The following CREB5 variants were observed in gnomAD, a reference collection of about 807,000 sequenced individuals.
CREB5 encodes cyclic AMP-responsive element-binding protein 5.
In CREB5, 19 loss-of-function variants were observed where a neutral mutation model predicts 57.1. The ratio of observed to expected loss-of-function variants is 0.33; its 90% CI spans 0.23 to 0.49. The LOEUF (loss-of-function observed/expected upper bound fraction) is 0.49, where lower values mean the gene tolerates loss of function less well. Ranked by LOEUF, CREB5 falls within the 20% of genes least tolerant of loss-of-function variation. The probability of loss-of-function intolerance (pLI) is 0.99; values close to 1 mark genes in which losing one functional copy is unlikely to be tolerated. For synonymous variants in CREB5, 238 were observed against 238.3 expected (o/e 1.00, Z 0.01); for missense variants, 579 against 671.6 (o/e 0.86, Z 1.52).
chr7:28,527,298 C>T (rs941233676), intron 4 of CREB5, among the ~76,000 whole-genome samples: 1 of 152,194 alleles, frequency 6.6e-6, no homozygotes, highest in African/African-American at 2.4e-5. Context: ...AAGATCAGTG[C>T]CATACAACTG....
At chr7:28,312,522 C>A (rs912001486) in intron 1 of CREB5, among the ~76,000 whole-genome samples, 1 of 152,026 alleles carries the variant, frequency 6.6e-6, no homozygotes, top group Non-Finnish European at 1.5e-5. Context: ...GGGAGGGAAG[C>A]GGGTGGAGGC....
intron 1 of CREB5, among the ~76,000 whole-genome samples, chr7:28,454,458 T>C (rs551517402): frequency 1.3e-5 from 2 of 152,318 alleles, no homozygotes; most frequent in Admixed American, 1.3e-4. Flanking sequence ...TCTGCCGTCC[T>C]ATGGCATTCC....
chr7:28,352,796 A>G (rs1016900185), intron 1 of CREB5, among the ~76,000 whole-genome samples: 25 of 152,374 alleles, frequency 1.6e-4, no homozygotes, highest in Admixed American at 1.6e-3. Flanking sequence ...GATAGAGGCT[A>G]TCATTATCTC....
At chr7:28,668,136 C>T (rs1401175511) in intron 5 of CREB5, among the ~76,000 whole-genome samples, 1 of 152,158 alleles carries the variant, frequency 6.6e-6, no homozygotes, top group East Asian at 1.9e-4. Context: ...TGTTTCAGGA[C>T]TCATTGTTAT....
intron 6 of CREB5, 141 bp downstream of exon 6, chr7:28,719,020 A>C: frequency 7.2e-7 from 1 of 1,380,628 alleles, no homozygotes; most frequent in Admixed American, 2.5e-5. Context: ...GCTGTGTGCA[A>C]TTTTGCTTTG....
At chr7:28,320,316 C>G (rs1785473978) in intron 1 of CREB5, among the ~76,000 whole-genome samples, 1 of 151,976 alleles carries the variant, frequency 6.6e-6, no homozygotes, top group South Asian at 2.1e-4. Flanking sequence ...AAAATAATGC[C>G]CTTCTCAAAG....
intron 4 of CREB5, among the ~76,000 whole-genome samples, chr7:28,560,873 CGCGTGCGTGCGTGCGTGT>C (rs1795126055): frequency 4.5e-5 from 1 of 22,100 alleles, no homozygotes; most frequent in Non-Finnish European, 7.3e-5. Flanking sequence ...TGCCTGCGTG[CGCGTGCGTGCGTGCGTGT>C]GTGTGCGTGC....
chr7:28,764,997 T>G (rs1006942930), intron 7 of CREB5, among the ~76,000 whole-genome samples: 7 of 152,218 alleles, frequency 4.6e-5, no homozygotes, highest in African/African-American at 1.4e-4. Flanking sequence ...CATACTCCAA[T>G]TCTCTGCTTA....
chr7:28,720,918 T>A (rs1802999682), intron 6 of CREB5, among the ~76,000 whole-genome samples: 1 of 152,080 alleles, frequency 6.6e-6, no homozygotes, highest in Admixed American at 6.6e-5. Flanking sequence ...TGTGCACCAT[T>A]CCCAGAGACA....
At chr7:28,633,135 T>C (rs1798268191) in intron 5 of CREB5, among the ~76,000 whole-genome samples, 1 of 152,172 alleles carries the variant, frequency 6.6e-6, no homozygotes, top group Admixed American at 6.5e-5. Flanking sequence ...TACAGATTAG[T>C]AAACTAAGGC....
intron 1 of CREB5, among the ~76,000 whole-genome samples, chr7:28,454,268 G>A (rs978731048): frequency 1.6e-4 from 25 of 152,188 alleles, no homozygotes; most frequent in Admixed American, 1.3e-4. Context: ...TCTTATTCCT[G>A]TGTAAGTTTC....
chr7:28,743,224 A>G (rs182106378), intron 7 of CREB5, among the ~76,000 whole-genome samples: 6 of 152,318 alleles, frequency 3.9e-5, no homozygotes, highest in Non-Finnish European at 4.4e-5. Flanking sequence ...AGTGGACATT[A>G]GAAAACTTAG....
intron 1 of CREB5, among the ~76,000 whole-genome samples, chr7:28,355,551 C>G (rs1367627029): frequency 1.3e-5 from 2 of 151,980 alleles, no homozygotes; most frequent in South Asian, 4.2e-4. Context: ...AGCAGTGGAG[C>G]CTGTTATATT....
At chr7:28,409,816 G>C (rs772099434), upstream of CREB5, 2 of 450,104 alleles carry the variant, frequency 4.4e-6, no homozygotes, top group South Asian at 3.2e-5. The surrounding 1 kb of genome is among the most constrained non-coding windows in gnomAD (Gnocchi z 4.4). Context: ...AGTCCGCCCG[G>C]CGTGCGTGCG....
At chr7:28,653,743 T>C (rs917219072) in intron 5 of CREB5, among the ~76,000 whole-genome samples, 12 of 152,256 alleles carry the variant, frequency 7.9e-5, no homozygotes, top group Non-Finnish European at 1.2e-4. Context: ...GAGCTCTGAT[T>C]TGTAGTGTTT....
intron 7 of CREB5, among the ~76,000 whole-genome samples, chr7:28,783,786 G>A (rs148724667): frequency 3.9e-5 from 6 of 152,234 alleles, no homozygotes; most frequent in Middle Eastern, 3.4e-3. Context: ...AACTCTAACC[G>A]GTAGCCTCAG....
chr7:28,716,573 G>A (rs1308842682), intron 5 of CREB5, among the ~76,000 whole-genome samples: 1 of 152,176 alleles, frequency 6.6e-6, no homozygotes, highest in Non-Finnish European at 1.5e-5. Flanking sequence ...CATTATGGAG[G>A]TAGGGAGTTC....
At chr7:28,355,818 G>A (rs1198602227) in intron 1 of CREB5, among the ~76,000 whole-genome samples, 3 of 152,194 alleles carry the variant, frequency 2.0e-5, no homozygotes, top group Non-Finnish European at 2.9e-5. Context: ...ATAAGAGGAG[G>A]CTCTCTCTGA....
chr7:28,573,518 T>C (rs1417848174), intron 5 of CREB5, among the ~76,000 whole-genome samples: 1 of 152,146 alleles, frequency 6.6e-6, no homozygotes, highest in South Asian at 2.1e-4. Flanking sequence ...GGCCAGCGGG[T>C]GTGTTCATGG....
Sources: gnomAD v4.1 joint callset for allele counts (sites outside exome capture counted in the v4.1 genomes callset) on GRCh38, gnomAD v4.1.1 for gene constraint, Gnocchi (gnomAD v3.1) non-coding constraint, MANE v1.5 for transcripts, NCBI Gene and HGNC (gene_info 2026-07-23, HGNC 2026-07-21) for gene names.